GPR158: variants seen among roughly 807,000 people sequenced by gnomAD.
GPR158 encodes G protein-coupled receptor 158.
A neutral mutation model predicts 78.2 loss-of-function variants in GPR158; 30 were observed. The ratio of observed to expected loss-of-function variants is 0.38; its 90% confidence interval spans 0.29 to 0.52. GPR158 has a LOEUF of 0.52. Among genes scored for constraint, GPR158 ranks in the 20% least tolerant of loss-of-function variants. The pLI, the probability that GPR158 is intolerant of heterozygous loss-of-function variation, is 0.83. For synonymous variants in GPR158, 581 were observed against 591.1 expected, an observed-to-expected ratio of 0.98 and a Z score of 0.25; for missense variants, 1,463 against 1,523.5, an observed-to-expected ratio of 0.96 and a Z score of 0.66.
intron 2 of GPR158, among the ~76,000 whole-genome samples, chr10:25,374,622 A>T (rs1834049187): frequency 6.6e-6 from 1 of 151,728 alleles, no homozygotes; most frequent in Admixed American, 6.6e-5. Context: ...AAAATTTTTA[A>T]ATTTAGAGTG....
intron 5 of GPR158, among the ~76,000 whole-genome samples, chr10:25,511,722 T>A (rs1032265948): frequency 1.3e-5 from 2 of 152,254 alleles, no homozygotes; most frequent in South Asian, 4.1e-4. Context: ...AGGTGAGAGA[T>A]GAGGATCCAG....
chr10:25,199,836 A>G lies in GPR158; in HGVS notation c.903-21216A>G, dbSNP rs371548574. 6.6e-5 allele frequency among the ~76,000 whole-genome samples: 10 copies of G among 152,208 alleles called. No homozygotes were observed. In the East Asian group the frequency reaches 1.7e-3, roughly 26 times the overall value. ...GCCCAGTCTTGGGTATTTCTTTATA[A>G]CAGTGTGAAAACAGACTAATATAGC... is the stretch of plus-strand genomic sequence containing the variant. On this transcript the variant is annotated intron_variant, in intron 1 of 10. Coordinates refer to ENST00000376351, the MANE Select transcript of GPR158 (RefSeq NM_020752.3).
chr10:25,257,890 G>GA (rs958757062), intron 2 of GPR158, among the ~76,000 whole-genome samples: 16 of 152,146 alleles, frequency 1.1e-4, no homozygotes, highest in African/African-American at 3.1e-4. Context: ...TGCGGGTTAG[G>GA]AAAAATGAAG....
intron 2 of GPR158, among the ~76,000 whole-genome samples, chr10:25,348,140 A>C (rs1760758): frequency 0.56 from 84,280 of 151,678 alleles, 27,360 homozygotes; most frequent in Non-Finnish European, 0.75. Context: ...ATCCTATTCT[A>C]TGACTGCTTT....
intron 3 of GPR158, among the ~76,000 whole-genome samples, chr10:25,400,051 CAT>C (rs1834419730): frequency 6.6e-6 from 1 of 152,140 alleles, no homozygotes; most frequent in Admixed American, 6.5e-5. Context: ...CATACACACA[CAT>C]ATAAAAACAT....
chr10:25,462,997 C>T (rs755082245), intron 4 of GPR158, among the ~76,000 whole-genome samples: 2 of 152,124 alleles, frequency 1.3e-5, no homozygotes, highest in Non-Finnish European at 2.9e-5. Flanking sequence ...TCACATGCTA[C>T]AAAGAAATCT....
intron 5 of GPR158, among the ~76,000 whole-genome samples, chr10:25,541,117 T>C (rs1836577042): frequency 6.6e-6 from 1 of 151,770 alleles, no homozygotes; most frequent in African/African-American, 2.4e-5. Context: ...TGTTCCTCCA[T>C]ATACATATCA....
At chr10:25,303,805 A>G (rs1302600867) in intron 2 of GPR158, among the ~76,000 whole-genome samples, 2 of 152,190 alleles carry the variant, frequency 1.3e-5, no homozygotes, top group African/African-American at 4.8e-5. Context: ...ATAAAATGAA[A>G]ACCCTGCCTT....
At chr10:25,440,769 T>C (rs1253449379) in intron 4 of GPR158, among the ~76,000 whole-genome samples, 1 of 152,204 alleles carries the variant, frequency 6.6e-6, no homozygotes, top group African/African-American at 2.4e-5. Flanking sequence ...TATTTCTCCA[T>C]AAAGCATTCC....
intron 2 of GPR158, among the ~76,000 whole-genome samples, chr10:25,268,760 A>T (rs2791330): frequency 0.65 from 99,396 of 152,030 alleles, 33,561 homozygotes; most frequent in East Asian, 0.86. Flanking sequence ...GCAGTAACCA[A>T]GCTGCCAACC....
chr10:25,305,613 G>T (rs1479667792), intron 2 of GPR158, among the ~76,000 whole-genome samples: 1 of 150,328 alleles, frequency 6.7e-6, no homozygotes, highest in Non-Finnish European at 1.5e-5. Context: ...GGTAAAAAAA[G>T]AAGGAGAGAG....
chr10:25,351,805 A>G (rs1466422715), intron 2 of GPR158, among the ~76,000 whole-genome samples: 2 of 150,792 alleles, frequency 1.3e-5, no homozygotes, highest in Non-Finnish European at 3.0e-5. Context: ...TCATAGGTAA[A>G]TGTGTGCCAT....
chr10:25,380,530 T>C (rs1222866192), intron 2 of GPR158, among the ~76,000 whole-genome samples: 1 of 152,192 alleles, frequency 6.6e-6, no homozygotes, highest in African/African-American at 2.4e-5. Context: ...ATGTGTTTTT[T>C]CAATAAACAC....
At chr10:25,302,326 C>T (rs183072291) in intron 2 of GPR158, among the ~76,000 whole-genome samples, 26 of 151,896 alleles carry the variant, frequency 1.7e-4, no homozygotes, top group African/African-American at 4.8e-4. Flanking sequence ...CTTCACAATC[C>T]GCCGGCCTTG....
chr10:25,345,292 A>G (rs1349612222), intron 2 of GPR158, among the ~76,000 whole-genome samples: 2 of 151,926 alleles, frequency 1.3e-5, no homozygotes, highest in Admixed American at 1.3e-4. Flanking sequence ...TCTGTTGCCC[A>G]TCTTACCACT....
At chr10:25,240,414 C>A (rs987627115) in intron 2 of GPR158, among the ~76,000 whole-genome samples, 3 of 152,170 alleles carry the variant, frequency 2.0e-5, no homozygotes, top group African/African-American at 7.2e-5. Flanking sequence ...GAGGCTGAGG[C>A]AGGAGAATCG....
chr10:25,575,054 G>A (rs1368073246), intron 7 of GPR158, among the ~76,000 whole-genome samples: 18 of 135,984 alleles, frequency 1.3e-4, no homozygotes, highest in African/African-American at 4.0e-4. Context: ...GCAACAGAGC[G>A]AGACTCCATC....
chr10:25,317,716 G>GTGTTTTTTTTT (rs1854876461), intron 2 of GPR158, among the ~76,000 whole-genome samples: 1 of 134,064 alleles, frequency 7.5e-6, no homozygotes, highest in Non-Finnish European at 1.5e-5. Context: ...TTCGTAAAGT[G>GTGTTTTTTTTT]TTTTTTTTTG....
chr10:25,339,316 A>C (rs1451649446), intron 2 of GPR158, among the ~76,000 whole-genome samples: 1 of 152,032 alleles, frequency 6.6e-6, no homozygotes, highest in Non-Finnish European at 1.5e-5. Flanking sequence ...TTTTAATGCT[A>C]TTGTAATATC....
Sources: allele counts gnomAD v4.1 joint callset (sites outside exome capture counted in the v4.1 genomes callset), GRCh38; gene constraint gnomAD v4.1.1; transcripts MANE v1.5; gene names NCBI Gene and HGNC (gene_info 2026-07-23, HGNC 2026-07-21).